ACVR1: variants seen among roughly 807,000 people sequenced by gnomAD.
ACVR1 encodes the protein activin receptor type-1.
A neutral mutation model predicts 57.1 loss-of-function variants in ACVR1; 38 were observed. The observed-to-expected ratio is 0.67, with a 90% CI of 0.51 to 0.87. The LOEUF (loss-of-function observed/expected upper bound fraction) is 0.87. Among genes scored for constraint, ACVR1 ranks in the 40% least tolerant of loss-of-function variants. The pLI is 0.00. For missense variants in ACVR1, 463 were observed against 638.2 expected, an observed-to-expected ratio of 0.73 and a Z score of 2.96; for synonymous variants, 212 against 228.1, an observed-to-expected ratio of 0.93 and a Z score of 0.63.
At chr2:157,859,410 G>A in intron 1 of ACVR1, among the ~76,000 whole-genome samples, 1 of 152,174 alleles carries the variant, frequency 6.6e-6, no homozygotes, top group Non-Finnish European at 1.5e-5. Flanking sequence ...CACAAAAATG[G>A]GCAACCAGCA....
chr2:157,797,961 C>G (rs1016673815), intron 3 of ACVR1, among the ~76,000 whole-genome samples: 2 of 152,162 alleles, frequency 1.3e-5, no homozygotes, highest in Admixed American at 1.3e-4. Flanking sequence ...CTATGAGGAA[C>G]GAGCCCTTAC....
intron 1 of ACVR1, among the ~76,000 whole-genome samples, chr2:157,866,644 G>C (rs987250056): frequency 3.9e-5 from 6 of 152,056 alleles, no homozygotes; most frequent in Admixed American, 3.9e-4. Flanking sequence ...CCTTAATAAG[G>C]CTCAGTGAAA....
intron 1 of ACVR1, among the ~76,000 whole-genome samples, chr2:157,869,491 A>T (rs1690046953): frequency 6.6e-6 from 1 of 152,212 alleles, no homozygotes; most frequent in African/African-American, 2.4e-5. Flanking sequence ...AGAATTTTTA[A>T]AATAAAAATT....
chr2:157,797,818 T>C (rs1687175670), intron 3 of ACVR1, among the ~76,000 whole-genome samples: 1 of 152,150 alleles, frequency 6.6e-6, no homozygotes, highest in Admixed American at 6.5e-5. Context: ...CCAAAATTCA[T>C]GCGAGTATCT....
At chr2:157,814,278 T>C (rs1287173043) in intron 2 of ACVR1, among the ~76,000 whole-genome samples, 1 of 152,240 alleles carries the variant, frequency 6.6e-6, no homozygotes, top group Non-Finnish European at 1.5e-5. Flanking sequence ...TGTCATATTT[T>C]GATAATAAAA....
chr2:157,832,392 G>C (rs1393146375), intron 1 of ACVR1, among the ~76,000 whole-genome samples: 1 of 152,216 alleles, frequency 6.6e-6, no homozygotes, highest in East Asian at 1.9e-4. Flanking sequence ...GAGAAAGGAT[G>C]ATGGCAAGTC....
At chr2:157,738,832 A>G (rs1684639801) in intron 9 of ACVR1, among the ~76,000 whole-genome samples, 1 of 152,248 alleles carries the variant, frequency 6.6e-6, no homozygotes, top group Admixed American at 6.5e-5. Context: ...AATCATAACT[A>G]TTAGCAAAAT....
chr2:157,816,488 T>C (rs1413799247), intron 2 of ACVR1, among the ~76,000 whole-genome samples: 1 of 151,060 alleles, frequency 6.6e-6, no homozygotes. Context: ...TCCTAGTTAC[T>C]TGGGAGGCTG....
chr2:157,787,413 T>G (rs1333272884), intron 3 of ACVR1, among the ~76,000 whole-genome samples: 1 of 152,176 alleles, frequency 6.6e-6, no homozygotes, highest in Non-Finnish European at 1.5e-5. Flanking sequence ...GGGAACTGCC[T>G]ACTGAGGAAT....
chr2:157,782,065 G>A (rs1243830275), intron 3 of ACVR1, among the ~76,000 whole-genome samples: 1 of 152,156 alleles, frequency 6.6e-6, no homozygotes, highest in Non-Finnish European at 1.5e-5. Context: ...GAGACCTTAA[G>A]GTAAGGTCTT....
rs1022630209 is a variant in ACVR1, at chr2:157,770,471, C to T, written c.687G>A (p.Gly229=). ...AGAAGATCTTCACGGCAACATTCTC[C>T]CCTTGCCAGCTGCCCCTCCACACCT... The part of the protein sequence containing the change: ...YGEVWRGSWQ[G]ENVAVKIFSS... Residue 229 remains glycine, a synonymous_variant, in exon 7 of 11, where the codon GGG becomes GGA. Transcript: ENST00000434821. 27 of 1,613,966 alleles carry T rather than the reference C, an allele frequency of 1.7e-5. No individual in the cohort carries two copies. The Admixed American group carries it at 2.0e-4, about 12-fold the overall frequency.
At chr2:157,832,908 A>T (rs2105346373) in intron 1 of ACVR1, among the ~76,000 whole-genome samples, 1 of 152,234 alleles carries the variant, frequency 6.6e-6, no homozygotes, top group Non-Finnish European at 1.5e-5. Flanking sequence ...CAATTAATAC[A>T]ATCTATATTT....
intron 1 of ACVR1, among the ~76,000 whole-genome samples, chr2:157,860,656 A>G (rs1689687881): frequency 6.6e-6 from 1 of 152,238 alleles, no homozygotes; most frequent in African/African-American, 2.4e-5. Flanking sequence ...TAAGGTTTCA[A>G]GAAAGCTTCT....
intron 1 of ACVR1, among the ~76,000 whole-genome samples, chr2:157,868,964 T>C (rs778182388): frequency 2.0e-5 from 3 of 152,244 alleles, no homozygotes; most frequent in Non-Finnish European, 2.9e-5. Context: ...TGCAAAGAGC[T>C]GTCCCTACTA....
At chr2:157,741,506 T>A (rs1684763806) in intron 9 of ACVR1, among the ~76,000 whole-genome samples, 1 of 151,648 alleles carries the variant, frequency 6.6e-6, no homozygotes, top group Non-Finnish European at 1.5e-5. Flanking sequence ...GTGCGTGTAG[T>A]CCAGGCAACT....
chr2:157,808,813 G>A (rs918710030), intron 2 of ACVR1, among the ~76,000 whole-genome samples: 1 of 151,268 alleles, frequency 6.6e-6, no homozygotes, highest in Non-Finnish European at 1.5e-5. Flanking sequence ...GGAAGTGTCA[G>A]GAGAAAAATA....
chr2:157,761,173 T>C (rs1685637786), intron 8 of ACVR1, 96 bp from the exon 9 acceptor site: 3 of 1,206,876 alleles, frequency 2.5e-6, no homozygotes, highest in Non-Finnish European at 3.6e-6. Flanking sequence ...AAGTGCCCTC[T>C]TGTGGATCCA....
At chr2:157,783,080 G>C (rs1468542432) in intron 3 of ACVR1, among the ~76,000 whole-genome samples, 16 of 152,164 alleles carry the variant, frequency 1.1e-4, no homozygotes, top group Non-Finnish European at 5.9e-5. Context: ...GACTAGAAGA[G>C]AGCCTGCTCA....
Position 157,841,608 on chromosome 2 carries a change from G to A in ACVR1, c.-182-23049C>T, listed in dbSNP as rs188749116. Among the ~76,000 whole-genome samples, 603 of 152,278 alleles carry A rather than the reference G, an allele frequency of 4.0e-3. 5 individuals are homozygous for A. Among genetic ancestry groups the A allele is most frequent in the Middle Eastern group, 6.8e-3 (2 of 294 alleles). ...TAGAGCCAGCTATTAGGAAGGCTAA[G>A]GCAAAAGGATTGCTTGAGCCCAAAA... On this transcript the variant is annotated intron_variant, in intron 1 of 10. Coordinates refer to ENST00000434821, the MANE Select transcript of ACVR1 (RefSeq NM_001111067.4).
Sources: gnomAD v4.1 joint callset for allele counts (sites outside exome capture counted in the v4.1 genomes callset) on GRCh38, gnomAD v4.1.1 for gene constraint, MANE v1.5 for transcripts, NCBI Gene and HGNC (gene_info 2026-07-23, HGNC 2026-07-21) for gene names.